Variants in AQP9 observed in about 807,000 individuals in gnomAD.
AQP9 encodes aquaporin-9.
A neutral mutation model predicts 23.8 loss-of-function variants in AQP9; 19 were observed. The ratio of observed to expected loss-of-function variants is 0.80; its 90% CI spans 0.56 to 1.17. The LOEUF (loss-of-function observed/expected upper bound fraction) is 1.17, where lower values mean the gene tolerates loss of function less well. Among genes scored for constraint, AQP9 ranks in the 50% most tolerant of loss-of-function variants. AQP9 has a pLI of 0.00. For missense variants in AQP9, 413 were observed against 362.0 expected, an observed-to-expected ratio of 1.14 and a Z score of -1.14; for synonymous variants, 153 against 131.5, an observed-to-expected ratio of 1.16 and a Z score of -1.12.
At chr15:58,172,713 C>T (rs1364991478) in intron 2 of AQP9, among the ~76,000 whole-genome samples, 1 of 152,062 alleles carries the variant, frequency 6.6e-6, no homozygotes, top group Non-Finnish European at 1.5e-5. Flanking sequence ...TAAAAGATAT[C>T]GAAGTTAATA....
intron 1 of AQP9, chr15:58,153,050 T>A (rs372367627): frequency 1.3e-5 from 2 of 152,222 alleles, no homozygotes; most frequent in East Asian, 3.8e-4. Context: ...GGGAATTGTG[T>A]CTTTTTTACT....
rs117862939 is a variant in AQP9, at chr15:58,142,795, T to C, written c.111+4119T>C. On this transcript the variant is annotated intron_variant, in intron 1 of 5. Transcript: ENST00000219919. Reference sequence around the variant, plus strand: ...TTCCTCCATGCTTGGTTCTTCTAGCTTGCTATTTTACAAAACCATCCATCT... The same window carrying C: ...TTCCTCCATGCTTGGTTCTTCTAGCCTGCTATTTTACAAAACCATCCATCT... 5.8e-3 allele frequency among the ~76,000 whole-genome samples: 879 copies of C among 152,258 alleles called. 12 individuals are homozygous for C. Among genetic ancestry groups the C allele is most frequent in the East Asian group, 0.042 (218 of 5,182 alleles).
At chr15:58,174,872 A>T in intron 3 of AQP9, 46 bp from the exon 4 acceptor site, 1 of 1,552,258 alleles carries the variant, frequency 6.4e-7, no homozygotes, top group Non-Finnish European at 8.9e-7. Flanking sequence ...GCCTCCTTCA[A>T]CTCTTCCCAG....
chr15:58,171,676 G>A (rs1335665198), intron 2 of AQP9, among the ~76,000 whole-genome samples: 1 of 152,176 alleles, frequency 6.6e-6, no homozygotes, highest in African/African-American at 2.4e-5. Context: ...TGAGTGGCAG[G>A]GGCAGGTGAA....
chr15:58,182,178 C>G (rs1278888754), intron 5 of AQP9, among the ~76,000 whole-genome samples: 1 of 152,208 alleles, frequency 6.6e-6, no homozygotes, highest in African/African-American at 2.4e-5. Context: ...TTTCTCTCCA[C>G]TTATTCACAT....
intron 1 of AQP9, chr15:58,154,369 C>G (rs1001549928): frequency 2.0e-5 from 3 of 151,994 alleles, no homozygotes; most frequent in African/African-American, 7.2e-5. Flanking sequence ...TTTTATTTTA[C>G]CTCTTCTAAC....
In AQP9 at chr15:58,183,951, T is replaced by C; in HGVS notation, c.714-10T>C. On this transcript the variant is annotated splice_polypyrimidine_tract_variant and intron_variant, in intron 5 of 5. Coordinates refer to ENST00000219919, the MANE Select transcript of AQP9 (RefSeq NM_020980.5). ...AAGAAATGTATCACTAATTTCTTGT[T>C]TGATTTCAGAGCTGGAAACAACTTC... The C allele has an allele frequency of 6.2e-7, 1 of 1,613,408 alleles. No individual in the cohort carries two copies. Among genetic ancestry groups the C allele is most frequent in the Non-Finnish European group, 8.5e-7 (1 of 1,179,504 alleles).
chr15:58,144,744 G>A (rs1211775652), intron 1 of AQP9, among the ~76,000 whole-genome samples: 2 of 152,028 alleles, frequency 1.3e-5, no homozygotes, highest in African/African-American at 2.4e-5. Flanking sequence ...GGCCAGGCGC[G>A]GTGGCTCATG....
At chr15:58,138,717 C>T (rs1595723122) in intron 1 of AQP9, 41 bp downstream of exon 1, 6 of 1,545,028 alleles carry the variant, frequency 3.9e-6, no homozygotes, top group African/African-American at 2.7e-5. Flanking sequence ...CCCAATAATG[C>T]CTCCCTAGCT....
At chr15:58,143,195 GT>G (rs1176154943) in intron 1 of AQP9, among the ~76,000 whole-genome samples, 1 of 152,172 alleles carries the variant, frequency 6.6e-6, no homozygotes, top group Non-Finnish European at 1.5e-5. Context: ...GTACTTGGGA[GT>G]TCTGTCCCTT....
chr15:58,138,198 T>C (rs1217764196), upstream of AQP9: 1 of 161,678 alleles, frequency 6.2e-6, no homozygotes, highest in Non-Finnish European at 1.4e-5. Context: ...GGCCCGTCAC[T>C]GTGATTTGGC....
intron 4 of AQP9, among the ~76,000 whole-genome samples, chr15:58,178,772 C>T (rs1397540087): frequency 6.6e-6 from 1 of 152,152 alleles, no homozygotes; most frequent in Non-Finnish European, 1.5e-5. Context: ...ATTTTTCCAG[C>T]CTGCAGCTTG....
intron 2 of AQP9, 80 bp downstream of exon 2, chr15:58,166,879 C>A (rs1898519828): frequency 1.4e-6 from 2 of 1,453,704 alleles, no homozygotes; most frequent in African/African-American, 1.4e-5. Flanking sequence ...CTTCACATAC[C>A]TTAATTTACT....
At chr15:58,140,930 G>A (rs1383383977) in intron 1 of AQP9, among the ~76,000 whole-genome samples, 1 of 152,108 alleles carries the variant, frequency 6.6e-6, no homozygotes, top group South Asian at 2.1e-4. Context: ...GGTGCTAAAA[G>A]GTTGGGAACA....
intron 1 of AQP9, among the ~76,000 whole-genome samples, chr15:58,148,684 C>T (rs1339517587): frequency 6.6e-6 from 1 of 152,154 alleles, no homozygotes; most frequent in Non-Finnish European, 1.5e-5. Flanking sequence ...TGATCAAGTT[C>T]CCATCCAGGT....
intron 3 of AQP9, 59 bp from the exon 4 acceptor site, chr15:58,174,859 C>A: frequency 6.9e-7 from 1 of 1,442,302 alleles, no homozygotes; most frequent in Non-Finnish European, 9.8e-7. Context: ...AGGCTTGGCA[C>A]AGGCCTCCTT....
chr15:58,170,045 T>A lies in AQP9; in HGVS notation c.239-3023T>A, dbSNP rs1317974051. ...TCCAGCTGTGCCCGCGGGCCCTTTA[T>A]GTGAATAATCTGATTGTCCCAGCAA... On this transcript the variant is annotated intron_variant, in intron 2 of 5. Transcript: ENST00000219919. Among the ~76,000 whole-genome samples, 3 of 152,168 alleles carry A rather than the reference T, an allele frequency of 2.0e-5. 1 individual carries two copies. The highest frequency in any genetic ancestry group is 2.0e-4 in the Admixed American group (3 of 15,278).
intron 1 of AQP9, among the ~76,000 whole-genome samples, chr15:58,159,348 C>A (rs190790771): frequency 1.3e-5 from 2 of 152,082 alleles, no homozygotes; most frequent in East Asian, 3.9e-4. Context: ...GAGGATTATT[C>A]AGGGTAGTTT....
chr15:58,161,951 T>A (rs4775015), intron 1 of AQP9, among the ~76,000 whole-genome samples: 1 of 151,914 alleles, frequency 6.6e-6, no homozygotes, highest in South Asian at 2.1e-4. Flanking sequence ...TTCAATTACA[T>A]CCAATATACT....
Sources: allele counts gnomAD v4.1 joint callset (sites outside exome capture counted in the v4.1 genomes callset), GRCh38; gene constraint gnomAD v4.1.1; transcripts MANE v1.5; gene names NCBI Gene and HGNC (gene_info 2026-07-23, HGNC 2026-07-21).